PIEZO2: variants seen among roughly 807,000 people sequenced by gnomAD.
PIEZO2 encodes piezo-type mechanosensitive ion channel component 2.
In PIEZO2, 172 loss-of-function variants were observed where a neutral mutation model predicts 337.3. The observed-to-expected ratio is 0.51, with a 90% CI of 0.45 to 0.58. The LOEUF is 0.58. Among genes scored for constraint, PIEZO2 ranks in the 20% least tolerant of loss-of-function variants. The pLI is 0.00. For missense variants in PIEZO2, 3,028 were observed against 3,391.3 expected (o/e 0.89, Z 2.66); for synonymous variants, 1,251 against 1,228.5 (o/e 1.02, Z -0.38).
chr18:11,138,024 A>C (rs1440547528), intron 1 of PIEZO2, among the ~76,000 whole-genome samples: 1 of 152,106 alleles, frequency 6.6e-6, no homozygotes, highest in Non-Finnish European at 1.5e-5. Flanking sequence ...AAAGTCACAG[A>C]GTATATATTA....
chr18:10,726,872 A>T lies in PIEZO2; in HGVS notation c.5029+4535T>A. ...CAGGACTTGGCACGCTACCGGCAGC[A>T]GCTGAAGCACATCATGGCCACCAAC... On this transcript the variant is annotated intron_variant, in intron 36 of 55. Coordinates refer to ENST00000674853, the MANE Select transcript of PIEZO2 (RefSeq NM_001378183.1). The surrounding 1 kb of genome is among the most constrained non-coding windows in gnomAD (Gnocchi z 5.9). 1 of 1,598,296 alleles carries T rather than the reference A, an allele frequency of 6.3e-7. No individual in the cohort carries two copies. The highest frequency in any genetic ancestry group is 1.1e-5 in the South Asian group (1 of 89,750).
chr18:11,018,248 CTCT>C (rs199746941), intron 2 of PIEZO2, among the ~76,000 whole-genome samples: 3,478 of 147,350 alleles, frequency 0.024, 141 homozygotes, highest in African/African-American at 0.082. Flanking sequence ...TGTGTGTTCT[CTCT>C]TCTTAAGACA....
At chr18:11,022,218 T>C (rs2036337516) in intron 2 of PIEZO2, among the ~76,000 whole-genome samples, 1 of 152,150 alleles carries the variant, frequency 6.6e-6, no homozygotes, top group South Asian at 2.1e-4. Context: ...ACAGCCCCCC[T>C]AACTGTGCAG....
At chr18:11,139,002 C>T (rs957006575) in intron 1 of PIEZO2, among the ~76,000 whole-genome samples, 6 of 152,292 alleles carry the variant, frequency 3.9e-5, no homozygotes, top group South Asian at 2.1e-4. Flanking sequence ...GTGCTGCTCT[C>T]GATGAGAAGG....
rs573802253 is a variant in PIEZO2, at chr18:10,920,477, G to A, written c.287-9249C>T. On this transcript the variant is annotated intron_variant, in intron 3 of 55. Coordinates refer to ENST00000674853, the MANE Select transcript of PIEZO2 (RefSeq NM_001378183.1). ...AAATGTTTACATATGCTATTTAAAT[G>A]TAGTGGGTAGTATGTGACATTAAAA... 9.9e-5 allele frequency among the ~76,000 whole-genome samples: 15 copies of A among 152,258 alleles called. No homozygotes were observed. The East Asian group carries it at 2.5e-3, about 25-fold the overall frequency.
chr18:10,811,988 C>T (rs897742636), intron 7 of PIEZO2, among the ~76,000 whole-genome samples: 1 of 152,194 alleles, frequency 6.6e-6, no homozygotes, highest in Admixed American at 6.5e-5. Flanking sequence ...CGCCCGCCAC[C>T]ACGCCCGGCT....
At chr18:10,756,613 G>T (rs1407641169) in intron 27 of PIEZO2, among the ~76,000 whole-genome samples, 2 of 141,706 alleles carry the variant, frequency 1.4e-5, no homozygotes, top group Non-Finnish European at 3.1e-5. Flanking sequence ...GGATGGAGGA[G>T]AAGGATAGAT....
intron 1 of PIEZO2, among the ~76,000 whole-genome samples, chr18:11,107,900 A>T (rs1044579779): frequency 1.3e-5 from 2 of 152,230 alleles, no homozygotes; most frequent in Admixed American, 1.3e-4. Context: ...CAACGGCTTT[A>T]AGTACACAGT....
rs2034335401 is a variant in PIEZO2 at position 10,682,900 on chromosome 18, A to C, written c.7498-608T>G. ...TTGCAGGGGCTCACTCTCCTACAGG[A>C]GCCTGTGCACCAGTAAGGCTGGGAG... is the stretch of plus-strand genomic sequence containing the variant. On this transcript the variant is annotated intron_variant, in intron 49 of 55. Transcript: ENST00000674853. The surrounding 1 kb of genome is among the most constrained non-coding windows in gnomAD (Gnocchi z 5.6). Among the ~76,000 whole-genome samples, 1 of 152,152 alleles carries C rather than the reference A, an allele frequency of 6.6e-6. No individual in the cohort carries two copies. The highest frequency in any genetic ancestry group is 2.4e-5 in the African/African-American group (1 of 41,432).
At position 10,750,173 on chromosome 18, in the gene PIEZO2, T is replaced by C. The variant is rs764409706; in HGVS notation, c.4182A>G (p.Gly1394=). The change falls in exon 29 of 56, where the codon GGA becomes GGG. Residue 1394 remains glycine, a synonymous_variant. Transcript: ENST00000674853. This position sits in a 1 kb window ranked among gnomAD's most constrained non-coding sequence, Gnocchi z 4.1. ...TATTGTGCACCAATGTTCCAATGTA[T>C]CCACATGCTCCTATCTGAAAAACAA... The part of the protein sequence containing the change: ...MKNILSIGAC[G]YIGTLVHNSC... The C allele has an allele frequency of 2.6e-6, 4 of 1,536,784 alleles. No homozygotes were observed. The highest frequency in any genetic ancestry group is 3.5e-6 in the Non-Finnish European group (4 of 1,146,538).
rs1568209629 is a variant in PIEZO2 at position 10,929,545 on chromosome 18, G to C, written c.287-18317C>G. Among the ~76,000 whole-genome samples, 1 of 152,104 alleles carries C rather than the reference G, an allele frequency of 6.6e-6. No homozygotes were observed. The highest frequency in any genetic ancestry group is 2.4e-5 in the African/African-American group (1 of 41,440). ...TTGAGACCATTTCAAAAAAGGAGTA[G>C]AAAATCACATCCACAGCCTTTGAGG... On this transcript the variant is annotated intron_variant, in intron 3 of 55. Coordinates refer to ENST00000674853, the MANE Select transcript of PIEZO2 (RefSeq NM_001378183.1). The surrounding 1 kb of genome is among the most constrained non-coding windows in gnomAD (Gnocchi z 5.6).
chr18:11,039,283 A>C (rs940633585), intron 2 of PIEZO2, among the ~76,000 whole-genome samples: 1 of 152,226 alleles, frequency 6.6e-6, no homozygotes, highest in African/African-American at 2.4e-5. Flanking sequence ...TTAATTTTGC[A>C]GACAAATGGA....
rs1568180354 is a variant in PIEZO2, at chr18:10,901,418, A to G, written c.329+9768T>C. On this transcript the variant is annotated intron_variant, in intron 4 of 55. Transcript: ENST00000674853. ...GAAGGTAAATCACCTACTTCTATTC[A>G]CACACACACACGCACACACACACAC... 5.7e-5 allele frequency among the ~76,000 whole-genome samples: 6 copies of G among 105,392 alleles called. No individual in the cohort carries two copies. The South Asian group carries it at 2.2e-3, about 39-fold the overall frequency. 69.1% of individuals were successfully genotyped at this position (105,392 alleles called of 152,430 possible). A position where few individuals can be genotyped will look rare whatever the true frequency, so the allele number is the denominator to read the frequency against.
chr18:10,679,169 A>C, intron 52 of PIEZO2, among the ~76,000 whole-genome samples: 1 of 152,146 alleles, frequency 6.6e-6, no homozygotes. Flanking sequence ...CCTGGCCTCA[A>C]GTGATCTGCC....
rs924733901 is a variant in PIEZO2 at position 10,970,674 on chromosome 18, A to T, written c.286+8861T>A. ...AAAAAGATGTTTCACACACACACAC[A>T]CACACACACACACACACACACACAC... On this transcript the variant is annotated intron_variant, in intron 3 of 55. Coordinates refer to ENST00000674853, the MANE Select transcript of PIEZO2 (RefSeq NM_001378183.1). 7.7e-3 allele frequency among the ~76,000 whole-genome samples: 1,104 copies of T among 143,206 alleles called. 18 individuals carry two copies. Among genetic ancestry groups the T allele is most frequent in the African/African-American group, 0.028 (1,037 of 36,992 alleles). 93.9% of individuals were successfully genotyped at this position (143,206 alleles called of 152,430 possible). A position where few individuals can be genotyped will look rare whatever the true frequency, so the allele number is the denominator to read the frequency against.
rs921153225 is a variant in PIEZO2, at chr18:10,742,515, G to A, written c.4615C>T (p.Leu1539Phe). 3.3e-6 allele frequency: 5 copies of A among 1,537,080 alleles called. No homozygotes were observed. In the African/African-American group the frequency reaches 4.1e-5, roughly 13 times the overall value. The change falls in exon 32 of 56, where the codon CTC becomes TTC. Residue 1539 changes from leucine (L) to phenylalanine (F), a missense_variant. By Grantham distance (22) the Leu-to-Phe change is conservative. Coordinates refer to ENST00000674853, the MANE Select transcript of PIEZO2 (RefSeq NM_001378183.1). ...ATACTTTCATCATCCTCTTCAGAGA[G>A]TTTTTGCATGTCCTGGCCTTCCCCT... Reference protein sequence around the residue: ...EPGEGQDMQKLSEEDDEREAD... With the variant: ...EPGEGQDMQKFSEEDDEREAD...
intron 3 of PIEZO2, among the ~76,000 whole-genome samples, chr18:10,923,900 A>G (rs1253714300): frequency 6.6e-6 from 1 of 152,194 alleles, no homozygotes; most frequent in Non-Finnish European, 1.5e-5. Context: ...TCTATGAGTC[A>G]GTCAAGGCAT....
intron 7 of PIEZO2, among the ~76,000 whole-genome samples, chr18:10,842,990 T>C (rs1456991161): frequency 6.6e-6 from 1 of 152,222 alleles, no homozygotes; most frequent in Non-Finnish European, 1.5e-5. Flanking sequence ...CATGGCTACT[T>C]GGAGCTAAAA....
chr18:10,725,008 C>T, intron 36 of PIEZO2: 1 of 1,587,658 alleles, frequency 6.3e-7, no homozygotes, highest in Non-Finnish European at 8.6e-7. Context: ...CGATGCAGGC[C>T]ATAGTGCCAG....
Sources: allele counts gnomAD v4.1 joint callset (sites outside exome capture counted in the v4.1 genomes callset), GRCh38; gene constraint gnomAD v4.1.1; non-coding constraint Gnocchi (gnomAD v3.1); transcripts MANE v1.5; gene names NCBI Gene and HGNC (gene_info 2026-07-23, HGNC 2026-07-21).